Variants in FADS6 observed in about 807,000 individuals in gnomAD.
The protein encoded by FADS6 is fatty acid desaturase 6, also known as fatty acid desaturase domain family, member 6.
Under a neutral mutation model 31.7 loss-of-function variants are expected in FADS6, and 28 were observed. The ratio of observed to expected loss-of-function variants is 0.88; its 90% CI spans 0.66 to 1.21. The LOEUF is 1.21. Ranked by LOEUF, FADS6 falls within the 50% of genes most tolerant of loss-of-function variation. The pLI is 0.00. For missense variants in FADS6, 494 were observed against 504.2 expected, an observed-to-expected ratio of 0.98 and a Z score of 0.19; for synonymous variants, 191 against 213.1, an observed-to-expected ratio of 0.90 and a Z score of 0.90.
chr17:74,889,318 G>C (rs572895276), intron 2 of FADS6, among the ~76,000 whole-genome samples: 2 of 152,286 alleles, frequency 1.3e-5, no homozygotes, highest in South Asian at 4.1e-4. Flanking sequence ...TGAGCGTCAA[G>C]GTTTGGGAAA....
At chr17:74,892,838 G>C in intron 1 of FADS6, 149 bp from the exon 2 acceptor site, 1 of 767,750 alleles carries the variant, frequency 1.3e-6, no homozygotes, top group Non-Finnish European at 2.0e-6. Context: ...TCCCACTGTG[G>C]CCTGAGGGGA....
chr17:74,888,154 ACGCGCGCGCGCGCG>A (rs67402175), intron 2 of FADS6, among the ~76,000 whole-genome samples: 15 of 134,804 alleles, frequency 1.1e-4, no homozygotes, highest in African/African-American at 4.2e-4. Context: ...ACACACACAC[ACGCGCGCGCGCGCG>A]CGCGCAGAGT....
intron 2 of FADS6, among the ~76,000 whole-genome samples, chr17:74,892,185 C>T (rs985207089): frequency 1.3e-5 from 2 of 152,220 alleles, no homozygotes; most frequent in African/African-American, 4.8e-5. Flanking sequence ...CTTGTGGACA[C>T]TGGGCCCCTC....
chr17:74,881,005 G>A, intron 4 of FADS6, 63 bp downstream of exon 4: 3 of 1,507,088 alleles, frequency 2.0e-6, no homozygotes, highest in Non-Finnish European at 2.7e-6. Flanking sequence ...TCCAGCCTGT[G>A]ATCAGGGCCC....
At position 74,882,518 on chromosome 17, in the gene FADS6, C is replaced by CA. The variant is rs1392634248; in HGVS notation, c.592+11dup. On this transcript the variant is annotated intron_variant, in intron 3 of 5. Transcript: ENST00000612771. The stretch of plus-strand genomic sequence containing the variant: ...TGCAGGACACTGCGGACCGGGCTCT[C>CA]ATGGCACTCACCGACAGCCACCAGT... 6.2e-7 allele frequency: 1 copy of CA among 1,604,026 alleles called. No homozygotes were observed. The highest frequency in any genetic ancestry group is 2.2e-5 in the East Asian group (1 of 44,620).
chr17:74,893,474 C>T lies in FADS6; in HGVS notation c.122G>A (p.Gly41Asp), dbSNP rs2038715547. The T allele has an allele frequency of 6.3e-7, 1 of 1,587,844 alleles. No individual in the cohort carries two copies. The highest frequency in any genetic ancestry group is 2.3e-5 in the East Asian group (1 of 42,910). The change falls in exon 1 of 6, where the codon GGC becomes GAC. Residue 41 changes from glycine to aspartate, a missense_variant. Around this residue, in one of 2 missense-constraint regions of FADS6, gnomAD observed 454 missense variants for 438.5 expected, o/e 1.04. Coordinates refer to ENST00000612771, the MANE Select transcript of FADS6 (RefSeq NM_178128.6). ...CTCCAGCTCCCGCAGCAGCGCCTCG[C>T]CCCCACGGTGCGCGCTCCGCGCCGG... ...MEPARSAHRG[G>D]EALLRELEVL...
In FADS6 at chr17:74,882,726, A is replaced by G. The variant is rs753486346; in HGVS notation, c.412-16T>C. 8 of 1,602,848 alleles carry G rather than the reference A, an allele frequency of 5.0e-6. No individual in the cohort carries two copies. The highest frequency in any genetic ancestry group is 1.1e-5 in the South Asian group (1 of 88,910). ...CTGTGCACACCTAGAGGAGGGAACC[A>G]GAAATGACACTGGGGTCCCTGTCAG... On this transcript the variant is annotated splice_polypyrimidine_tract_variant and intron_variant, in intron 2 of 5. Transcript: ENST00000612771.
Position 74,893,477 on chromosome 17 carries a change from C to G in FADS6, c.119G>C (p.Gly40Ala), listed in dbSNP as rs748869092. The G allele has an allele frequency of 1.9e-6, 3 of 1,559,794 alleles. No individual in the cohort carries two copies. The Admixed American group carries it at 5.5e-5, about 28-fold the overall frequency. ...PMEPARSAHR[G>A]GEALLRELEV... ...CAGCTCCCGCAGCAGCGCCTCGCCCCCACGGTGCGCGCTCCGCGCCGGTTC... is the reference window on the plus strand; with the variant it reads ...CAGCTCCCGCAGCAGCGCCTCGCCCGCACGGTGCGCGCTCCGCGCCGGTTC... The change falls in exon 1 of 6, where the codon GGG becomes GCG. Residue 40 changes from glycine to alanine, a missense_variant. Gly to Ala is a moderately conservative substitution (Grantham distance 60). This residue lies in a region of FADS6 where 454 missense variants were observed against 438.5 expected (regional missense o/e 1.04). Coordinates refer to ENST00000612771, the MANE Select transcript of FADS6 (RefSeq NM_178128.6).
intron 2 of FADS6, among the ~76,000 whole-genome samples, chr17:74,885,912 A>G (rs2038616887): frequency 6.6e-6 from 1 of 152,090 alleles, no homozygotes; most frequent in Non-Finnish European, 1.5e-5. Context: ...CCAGCACTTT[A>G]GGTGGCCAAG....
intron 2 of FADS6, among the ~76,000 whole-genome samples, chr17:74,886,187 G>A (rs551530579): frequency 5.5e-4 from 82 of 148,318 alleles, no homozygotes; most frequent in Non-Finnish European, 1.0e-3. Context: ...TGCAGTGAGC[G>A]GAGATCCCGC....
rs193108204 is a variant in FADS6 at position 74,887,416 on chromosome 17, C to A, written c.412-4706G>T. 1.5e-3 allele frequency among the ~76,000 whole-genome samples: 221 copies of A among 152,332 alleles called. 3 individuals carry two copies. Among genetic ancestry groups the A allele is most frequent in the Admixed American group, 0.01 (157 of 15,308 alleles). On this transcript the variant is annotated intron_variant, in intron 2 of 5. Coordinates refer to ENST00000612771, the MANE Select transcript of FADS6 (RefSeq NM_178128.6). ...GCCAAAAATATCTCCAGACACTGTC[C>A]AATGTCCCTGCCCTGCTCTTCCCAC...
downstream of FADS6, among the ~76,000 whole-genome samples, chr17:74,877,139 T>TGA: frequency 6.6e-6 from 1 of 152,086 alleles, no homozygotes; most frequent in East Asian, 1.9e-4. Flanking sequence ...CATTCCTCTC[T>TGA]GAGGTCATCC....
intron 4 of FADS6, 77 bp downstream of exon 4, chr17:74,880,991 A>G: frequency 6.9e-7 from 1 of 1,438,934 alleles, no homozygotes; most frequent in African/African-American, 1.4e-5. Context: ...TCCTCAACCT[A>G]GAGTCCAGCC....
intron 1 of FADS6, 27 bp downstream of exon 1, chr17:74,893,325 G>A (rs377042407): frequency 2.7e-6 from 4 of 1,501,208 alleles, no homozygotes; most frequent in Admixed American, 4.3e-5. Context: ...CAGCCCGGCC[G>A]GGACGCCGGG....
Position 74,878,346 on chromosome 17 carries a change from C to G in FADS6, c.1092G>C (p.Glu364Asp). Residue 364 changes from glutamate to aspartate, a missense_variant, in exon 6 of 6, where the codon GAG becomes GAC. Transcript: ENST00000612771. ...EFMVQAPPIT[E>D]LVGL ...CCCGGCCTCATTACAGCCCCACAAG[C>G]TCAGTGATGGGTGGGGCCTGCACCA... 1 of 1,613,646 alleles carries G rather than the reference C, an allele frequency of 6.2e-7. No homozygotes were observed. The highest frequency in any genetic ancestry group is 8.5e-7 in the Non-Finnish European group (1 of 1,179,758).
At chr17:74,888,171 C>CGT (rs1555625278) in intron 2 of FADS6, among the ~76,000 whole-genome samples, 3 of 150,380 alleles carry the variant, frequency 2.0e-5, no homozygotes, top group African/African-American at 7.4e-5. Flanking sequence ...CGCGCGCGCG[C>CGT]GCAGAGTACC....
At position 74,882,556 on chromosome 17, in the gene FADS6, G is replaced by A. The variant is rs1479490673; in HGVS notation, c.566C>T (p.Pro189Leu). 6.2e-7 allele frequency: 1 copy of A among 1,611,544 alleles called. No homozygotes were observed. The highest frequency in any genetic ancestry group is 8.5e-7 in the Non-Finnish European group (1 of 1,178,984). ...VYMFLAPFLL[P>L]IATPLVAVER... ...GACAGCCACCAGTGGAGTGGCGATG[G>A]GGAGGAGGAAAGGAGCAAGGAACAT... The change falls in exon 3 of 6, where the codon CCC becomes CTC. Residue 189 changes from proline to leucine, a missense_variant. This residue lies in a region of FADS6 where 454 missense variants were observed against 438.5 expected (regional missense o/e 1.04). Transcript: ENST00000612771.
intron 2 of FADS6, among the ~76,000 whole-genome samples, chr17:74,891,112 A>AT (rs72258963): frequency 0.15 from 19,023 of 123,104 alleles, 1,981 homozygotes; most frequent in African/African-American, 0.26. Flanking sequence ...TTTCTTTTTG[A>AT]TTTTTTTTTT....
chr17:74,888,139 CACACACACA>C (rs2038644255), intron 2 of FADS6, among the ~76,000 whole-genome samples: 1 of 109,704 alleles, frequency 9.1e-6, no homozygotes, highest in Non-Finnish European at 1.7e-5. Context: ...CACACACACA[CACACACACA>C]CACACACGCG....
Sources: allele counts gnomAD v4.1 joint callset (sites outside exome capture counted in the v4.1 genomes callset), GRCh38; gene constraint gnomAD v4.1.1; regional missense constraint gnomAD v4.1.1; transcripts MANE v1.5; gene names NCBI Gene and HGNC (gene_info 2026-07-23, HGNC 2026-07-21).